Variants in MARCOL observed in about 807,000 individuals in gnomAD.
MARCOL encodes MARCO-like protein.
At position 148,238,642 on chromosome 5, in the gene MARCOL, C is replaced by T. The variant is rs1755931889; in HGVS notation, c.45C>T (p.Phe15=). ...IFFLFMLLAM[F]SASSTQISNT... is the part of the protein sequence containing the mutation. ...TTCTCTTCATGCTCCTGGCCATGTT[C>T]TCAGGTAAGAAAGTCACAGTCAATA... The change falls in exon 1 of 2, where the codon TTC becomes TTT. Residue 15 remains phenylalanine, a synonymous_variant. Coordinates refer to ENST00000638089, the MANE Select transcript of MARCOL (RefSeq NM_001363511.2). The T allele has an allele frequency of 2.5e-6, 1 of 398,078 alleles. No individual in the cohort carries two copies. The highest frequency in any genetic ancestry group is 1.3e-4 in the South Asian group (1 of 7,860). The allele number at this position is 398,078 out of a possible 1,614,324, so 24.7% of individuals were successfully genotyped here.
intron 1 of MARCOL, among the ~76,000 whole-genome samples, chr5:148,242,060 A>T (rs764548152): frequency 2.0e-5 from 3 of 152,164 alleles, no homozygotes; most frequent in Non-Finnish European, 4.4e-5. Flanking sequence ...GAAGCTGGAA[A>T]ATTAGGACTA....
chr5:148,243,351 G>T lies in MARCOL; in HGVS notation c.*97G>T. On this transcript the variant is annotated 3_prime_UTR_variant, in exon 2 of 2. Transcript: ENST00000638089. ...GAATCTAGGGTCATCTAGCTATCAA[G>T]GGAAGCCAGTGTCATCTAGCCAACA... 1 of 398,106 alleles carries T rather than the reference G, an allele frequency of 2.5e-6. No homozygotes were observed. Among genetic ancestry groups the T allele is most frequent in the South Asian group, 1.3e-4 (1 of 7,742 alleles). 24.7% of individuals were successfully genotyped at this position (398,106 alleles called of 1,614,324 possible).
rs1755984561 is a variant in MARCOL at position 148,242,974 on chromosome 5, G to A, written c.578G>A (p.Gly193Glu). ...KGNLGSSSLQ[G>E]HLGLSSHQGK... The stretch of plus-strand genomic sequence containing the variant: ...AATTTAGGATCTTCTAGCCTACAAG[G>A]GCATCTGGGTTTATCTAGCCATCAA... Residue 193 changes from glycine (G) to glutamate (E), a missense_variant, in exon 2 of 2, where the codon GGG (glycine) becomes GAG (glutamate). By Grantham distance (98) the Gly-to-Glu change is moderately conservative (BLOSUM62 -2). Transcript: ENST00000638089. 4 of 399,102 alleles carry A rather than the reference G, an allele frequency of 1.0e-5. No individual in the cohort carries two copies. The highest frequency in any genetic ancestry group is 8.8e-6 in the Non-Finnish European group (2 of 226,272). The allele number at this position is 399,102 out of a possible 1,614,324, so 24.7% of individuals were successfully genotyped here. A position where few individuals can be genotyped will look rare whatever the true frequency, so the allele number is the denominator to read the frequency against.
At chr5:148,239,945 A>G (rs546850947) in intron 1 of MARCOL, among the ~76,000 whole-genome samples, 1 of 152,068 alleles carries the variant, frequency 6.6e-6, no homozygotes, top group Non-Finnish European at 1.5e-5. Context: ...TTGTAAAATC[A>G]GAAGGGAAAA....
At chr5:148,239,879 T>C (rs1370361238) in intron 1 of MARCOL, among the ~76,000 whole-genome samples, 2 of 151,824 alleles carry the variant, frequency 1.3e-5, no homozygotes, top group Non-Finnish European at 2.9e-5. Context: ...TTATATATAT[T>C]GGAAGATGAA....
chr5:148,243,574 G>T lies in MARCOL; in HGVS notation c.*320G>T. On this transcript the variant is annotated 3_prime_UTR_variant, in exon 2 of 2. Transcript: ENST00000638089. ...AGGTCATTTTACAACCAACGACAAA[G>T]AAAAAATATTGACAGCACTTTTGAT... 4.1e-6 allele frequency: 1 copy of T among 242,400 alleles called. No individual in the cohort carries two copies. Among genetic ancestry groups the T allele is most frequent in the Non-Finnish European group, 7.9e-6 (1 of 127,228 alleles). 15.0% of individuals were successfully genotyped at this position (242,400 alleles called of 1,614,324 possible).
chr5:148,241,524 C>CAAAAAA (rs71001486), intron 1 of MARCOL, among the ~76,000 whole-genome samples: 1 of 126,392 alleles, frequency 7.9e-6, no homozygotes, highest in African/African-American at 3.1e-5. Context: ...ACACTTCTAC[C>CAAAAAA]AAAAAAAAAA....
At position 148,243,541 on chromosome 5, in the gene MARCOL, G is replaced by A. The variant is rs1309592693; in HGVS notation, c.*287G>A. The stretch of plus-strand genomic sequence containing the variant: ...AAGCCAGAGCCATCTAGCCATCAGA[G>A]AAAATTAAGGTCATTTTACAACCAA... On this transcript the variant is annotated 3_prime_UTR_variant, in exon 2 of 2. Transcript: ENST00000638089. 3.2e-6 allele frequency: 1 copy of A among 309,250 alleles called. No homozygotes were observed. Among genetic ancestry groups the A allele is most frequent in the Non-Finnish European group, 5.9e-6 (1 of 170,416 alleles). The allele number at this position is 309,250 out of a possible 1,614,324, so 19.2% of individuals were successfully genotyped here. A position where few individuals can be genotyped will look rare whatever the true frequency, so the allele number is the denominator to read the frequency against.
intron 1 of MARCOL, among the ~76,000 whole-genome samples, chr5:148,241,951 C>T (rs1392481886): frequency 6.6e-6 from 1 of 152,074 alleles, no homozygotes; most frequent in East Asian, 1.9e-4. Flanking sequence ...AAGTTGGCTA[C>T]AGATAATATG....
chr5:148,241,820 C>T (rs929474339), intron 1 of MARCOL, among the ~76,000 whole-genome samples: 1 of 151,892 alleles, frequency 6.6e-6, no homozygotes, highest in Non-Finnish European at 1.5e-5. Flanking sequence ...AATATAACCA[C>T]CAGAGAGAGC....
intron 1 of MARCOL, 89 bp downstream of exon 1, chr5:148,238,735 G>T: frequency 2.5e-6 from 1 of 396,616 alleles, no homozygotes; most frequent in Non-Finnish European, 4.5e-6. Flanking sequence ...TTTATCAAAA[G>T]ATTTAAAAAT....
At position 148,242,785 on chromosome 5, in the gene MARCOL, G is replaced by A. The variant is rs1319745284; in HGVS notation, c.389G>A (p.Gly130Glu). The A allele has an allele frequency of 7.5e-6, 3 of 398,292 alleles. No homozygotes were observed. Among genetic ancestry groups the A allele is most frequent in the African/African-American group, 6.2e-5 (3 of 48,560 alleles). The allele number at this position is 398,292 out of a possible 1,614,324, so 24.7% of individuals were successfully genotyped here. Residue 130 changes from glycine to glutamate, a missense_variant, in exon 2 of 2, where the codon GGG becomes GAG. Physicochemically the swap from Gly to Glu is moderately conservative, Grantham distance 98. Coordinates refer to ENST00000638089, the MANE Select transcript of MARCOL (RefSeq NM_001363511.2). ...AACTCAGGATCTTCTAGCCAACTAGGGAGACCAGGGATTTCTACCCAACAG... is the reference window on the plus strand; with the variant it reads ...AACTCAGGATCTTCTAGCCAACTAGAGAGACCAGGGATTTCTACCCAACAG... The part of the protein sequence containing the change: ...QENSGSSSQL[G>E]RPGISTQQGN...
chr5:148,240,791 AT>A (rs1364903371), intron 1 of MARCOL, among the ~76,000 whole-genome samples: 3 of 151,832 alleles, frequency 2.0e-5, no homozygotes, highest in African/African-American at 7.2e-5. Flanking sequence ...CTAAAAAAAA[AT>A]ATTTTTTCTC....
At chr5:148,242,028 T>C (rs550368843) in intron 1 of MARCOL, among the ~76,000 whole-genome samples, 8 of 152,290 alleles carry the variant, frequency 5.3e-5, no homozygotes, top group African/African-American at 1.7e-4. Flanking sequence ...GTCTGGAAAG[T>C]TGATGGCGTT....
intron 1 of MARCOL, among the ~76,000 whole-genome samples, chr5:148,241,042 T>C (rs1419347880): frequency 6.6e-6 from 1 of 152,026 alleles, no homozygotes; most frequent in African/African-American, 2.4e-5. Flanking sequence ...TTTCTAAGCT[T>C]CTTTTATAAT....
At chr5:148,242,009 C>T (rs1755971435) in intron 1 of MARCOL, among the ~76,000 whole-genome samples, 1 of 152,228 alleles carries the variant, frequency 6.6e-6, no homozygotes, top group Middle Eastern at 3.4e-3. Context: ...CGTCTGCCAG[C>T]CTTTTCCTGT....
chr5:148,238,632 T>A lies in MARCOL; in HGVS notation c.35T>A (p.Leu12Gln), dbSNP rs1291300732. Residue 12 changes from leucine to glutamine, a missense_variant, in exon 1 of 2, where the codon CTG becomes CAG. By Grantham distance (113) the Leu-to-Gln change is moderately radical. Coordinates refer to ENST00000638089, the MANE Select transcript of MARCOL (RefSeq NM_001363511.2). ...RAFIFFLFMLLAMFSASSTQI... is the reference protein window; with the variant it reads ...RAFIFFLFMLQAMFSASSTQI... ...TTCATTTTCTTTCTCTTCATGCTCC[T>A]GGCCATGTTCTCAGGTAAGAAAGTC... 2.5e-6 allele frequency: 1 copy of A among 398,310 alleles called. No homozygotes were observed. Among genetic ancestry groups the A allele is most frequent in the African/African-American group, 2.1e-5 (1 of 48,708 alleles). The allele number at this position is 398,310 out of a possible 1,614,324, so 24.7% of individuals were successfully genotyped here.
chr5:148,238,534 GCA>G lies in MARCOL; in HGVS notation c.-62_-61del. ...GTAGTGAGCATGGTTTATTTGAAGA[GCA>G]CCTACTGCAGAGTTAGGCTTAACTC... On this transcript the variant is annotated 5_prime_UTR_variant, in exon 1 of 2. Coordinates refer to ENST00000638089, the MANE Select transcript of MARCOL (RefSeq NM_001363511.2). 2 of 397,562 alleles carry G rather than the reference GCA, an allele frequency of 5.0e-6. No individual in the cohort carries two copies. Among genetic ancestry groups the G allele is most frequent in the Non-Finnish European group, 8.9e-6 (2 of 224,990 alleles). The allele number at this position is 397,562 out of a possible 1,614,324, so 24.6% of individuals were successfully genotyped here.
chr5:148,239,492 C>A (rs1755941022), intron 1 of MARCOL, among the ~76,000 whole-genome samples: 1 of 151,850 alleles, frequency 6.6e-6, no homozygotes, highest in Non-Finnish European at 1.5e-5. Context: ...TCATTGGAAA[C>A]ACTGCAAAGC....
Sources: gnomAD v4.1 joint callset for allele counts (sites outside exome capture counted in the v4.1 genomes callset) on GRCh38, gnomAD v4.1.1 for gene constraint, MANE v1.5 for transcripts, NCBI Gene and HGNC (gene_info 2026-07-23, HGNC 2026-07-21) for gene names.